The following ANKFN1 variants were observed in gnomAD, a reference collection of about 807,000 sequenced individuals.
ANKFN1 encodes ankyrin repeat and fibronectin type III domain containing 1.
A neutral mutation model predicts 108.7 loss-of-function variants in ANKFN1; 74 were observed. That is an observed-to-expected ratio of 0.68 (90% CI 0.56 to 0.83). The LOEUF is 0.83. Among genes scored for constraint, ANKFN1 ranks in the 40% least tolerant of loss-of-function variants. The pLI, the probability that ANKFN1 is intolerant of heterozygous loss-of-function variation, is 0.00. For synonymous variants in ANKFN1, 547 were observed against 516.2 expected (o/e 1.06, Z -0.81); for missense variants, 1,505 against 1,382.3 (o/e 1.09, Z -1.41).
At chr17:56,259,338 T>A (rs2043442237) in intron 3 of ANKFN1, among the ~76,000 whole-genome samples, 2 of 152,188 alleles carry the variant, frequency 1.3e-5, no homozygotes, top group Admixed American at 1.3e-4. Context: ...AGAGTAGCAG[T>A]GGCTGCTACG....
chr17:56,376,920 A>G (rs919196246), intron 8 of ANKFN1, among the ~76,000 whole-genome samples: 1 of 152,216 alleles, frequency 6.6e-6, no homozygotes, highest in African/African-American at 2.4e-5. Flanking sequence ...TATCCGCAGG[A>G]ACAGCAGTGC....
At chr17:56,422,008 A>G (rs917820471) in intron 8 of ANKFN1, among the ~76,000 whole-genome samples, 2 of 152,100 alleles carry the variant, frequency 1.3e-5, no homozygotes, top group Non-Finnish European at 2.9e-5. Flanking sequence ...TTTCACCTGT[A>G]TTTTTATCCC....
chr17:56,222,170 C>G (rs1046336036), intron 2 of ANKFN1, among the ~76,000 whole-genome samples: 18 of 152,128 alleles, frequency 1.2e-4, no homozygotes, highest in Admixed American at 9.2e-4. Context: ...TTTTGTGTAA[C>G]ACGAAGAGAC....
intron 4 of ANKFN1, among the ~76,000 whole-genome samples, chr17:56,059,196 CT>C (rs745452656): frequency 0.011 from 1,605 of 152,218 alleles, 29 homozygotes; most frequent in African/African-American, 0.03. Flanking sequence ...TGATGTTGAG[CT>C]TTTTTTCATA....
chr17:56,275,737 G>T (rs1331238065), intron 3 of ANKFN1, among the ~76,000 whole-genome samples: 1 of 152,114 alleles, frequency 6.6e-6, no homozygotes, highest in South Asian at 2.1e-4. Flanking sequence ...TCTAAGAAAT[G>T]GACTTAGTAC....
rs1157057611 is a variant in ANKFN1 at position 56,514,575 on chromosome 17, A to G, written c.*3306A>G. ...AGGGTGCCTGGGAGACAGTAATTAA[A>G]AACATTCACTCCAGGGAATGAGTAT... On this transcript the variant is annotated 3_prime_UTR_variant, in exon 21 of 21. Transcript: ENST00000682825. 6.6e-6 allele frequency among the ~76,000 whole-genome samples: 1 copy of G among 152,224 alleles called. No homozygotes were observed. Among genetic ancestry groups the G allele is most frequent in the African/African-American group, 2.4e-5 (1 of 41,456 alleles).
chr17:56,266,542 A>G (rs1268562319), intron 3 of ANKFN1, among the ~76,000 whole-genome samples: 1 of 152,178 alleles, frequency 6.6e-6, no homozygotes, highest in Non-Finnish European at 1.5e-5. Context: ...CCTTAAGCCT[A>G]TCTATCCCTG....
intron 1 of ANKFN1, among the ~76,000 whole-genome samples, chr17:56,189,934 A>C (rs1912719151): frequency 6.6e-6 from 1 of 151,820 alleles, no homozygotes; most frequent in Admixed American, 6.6e-5. Flanking sequence ...AAGCAAAGGC[A>C]TTATCATGAC....
At chr17:56,123,263 A>C (rs1362960081) in intron 4 of ANKFN1, among the ~76,000 whole-genome samples, 1 of 152,244 alleles carries the variant, frequency 6.6e-6, no homozygotes, top group African/African-American at 2.4e-5. Flanking sequence ...CATGTTAACC[A>C]GAGTGGCTGC....
At chr17:56,252,706 A>G (rs1462141688) in intron 3 of ANKFN1, among the ~76,000 whole-genome samples, 2 of 148,034 alleles carry the variant, frequency 1.4e-5, no homozygotes, top group African/African-American at 2.5e-5. Flanking sequence ...GTATAATAAG[A>G]TAATTGAAAT....
chr17:56,052,952 C>T (rs1904803734), intron 4 of ANKFN1, among the ~76,000 whole-genome samples: 1 of 152,008 alleles, frequency 6.6e-6, no homozygotes, highest in South Asian at 2.1e-4. Flanking sequence ...TTCTTAATCA[C>T]TGGACCGTCA....
intron 4 of ANKFN1, among the ~76,000 whole-genome samples, chr17:56,328,009 T>C (rs1451822693): frequency 6.6e-5 from 10 of 152,086 alleles, no homozygotes. Flanking sequence ...CTTAGGGAAT[T>C]AGAAGAGGAG....
At chr17:56,480,532 C>A in intron 16 of ANKFN1, 136 bp from the exon 17 acceptor site, 1 of 960,342 alleles carries the variant, frequency 1.0e-6, no homozygotes, top group South Asian at 1.8e-5. Flanking sequence ...GCAAAATGTT[C>A]AAATTTCATG....
chr17:56,332,511 A>T (rs1429160110), intron 4 of ANKFN1, among the ~76,000 whole-genome samples: 1 of 152,114 alleles, frequency 6.6e-6, no homozygotes, highest in African/African-American at 2.4e-5. Context: ...TTCAGTATGG[A>T]TATACCATTG....
intron 1 of ANKFN1, among the ~76,000 whole-genome samples, chr17:56,163,230 C>T (rs371863175): frequency 6.6e-6 from 1 of 152,106 alleles, no homozygotes; most frequent in East Asian, 1.9e-4. Context: ...CCTTTCTAAC[C>T]GAGGTGCCAG....
intron 11 of ANKFN1, 75 bp downstream of exon 11, chr17:56,449,261 G>A (rs1315504428): frequency 2.8e-6 from 3 of 1,057,376 alleles, no homozygotes; most frequent in Non-Finnish European, 1.4e-6. Context: ...TTTCCTAACT[G>A]GGTCATACCT....
chr17:56,089,498 C>T (rs942919968), intron 4 of ANKFN1, among the ~76,000 whole-genome samples: 11 of 151,388 alleles, frequency 7.3e-5, no homozygotes, highest in Admixed American at 4.0e-4. Context: ...TTTAACACTC[C>T]CATTAACAAT....
At chr17:56,235,098 G>A (rs975298155) in intron 3 of ANKFN1, among the ~76,000 whole-genome samples, 9 of 152,068 alleles carry the variant, frequency 5.9e-5, no homozygotes, top group African/African-American at 2.2e-4. Flanking sequence ...TTTCTCTAAT[G>A]TTCGGTGATA....
At chr17:56,469,002 T>A (rs959793405) in intron 15 of ANKFN1, among the ~76,000 whole-genome samples, 4 of 152,168 alleles carry the variant, frequency 2.6e-5, no homozygotes, top group African/African-American at 9.7e-5. Context: ...CTACCTTTGC[T>A]CCTAGAAACA....
Sources: allele counts gnomAD v4.1 joint callset (sites outside exome capture counted in the v4.1 genomes callset), GRCh38; gene constraint gnomAD v4.1.1; transcripts MANE v1.5; gene names NCBI Gene and HGNC (gene_info 2026-07-23, HGNC 2026-07-21).